The following CADM2 variants were observed in gnomAD, a reference collection of about 807,000 sequenced individuals.
The protein encoded by CADM2 is cell adhesion molecule 2.
Under a neutral mutation model 49.8 loss-of-function variants are expected in CADM2, and 12 were observed. That is an observed-to-expected ratio of 0.24 (90% CI 0.15 to 0.39). The LOEUF is 0.39. Among genes scored for constraint, CADM2 ranks in the 10% least tolerant of loss-of-function variants. The probability of loss-of-function intolerance (pLI) is 1.00; values close to 1 mark genes in which losing one functional copy is unlikely to be tolerated. For synonymous variants in CADM2, 214 were observed against 175.4 expected, an observed-to-expected ratio of 1.22 and a Z score of -1.74; for missense variants, 378 against 492.3, an observed-to-expected ratio of 0.77 and a Z score of 2.20.
chr3:85,998,566 T>G (rs1385112066), intron 8 of CADM2, among the ~76,000 whole-genome samples: 2 of 152,232 alleles, frequency 1.3e-5, no homozygotes, highest in East Asian at 3.9e-4. Context: ...TCTATGCACT[T>G]ATTGATTGAA....
intron 1 of CADM2, among the ~76,000 whole-genome samples, chr3:85,660,288 A>T (rs1233195437): frequency 6.6e-6 from 1 of 152,114 alleles, no homozygotes; most frequent in Non-Finnish European, 1.5e-5. Flanking sequence ...TTATGTTGTC[A>T]GTGGCAGGGA....
chr3:85,518,517 A>G (rs2060955686), intron 1 of CADM2, among the ~76,000 whole-genome samples: 1 of 151,514 alleles, frequency 6.6e-6, no homozygotes, highest in African/African-American at 2.4e-5. Flanking sequence ...CTTATTGTTT[A>G]TATGAGCAAA....
At chr3:85,557,429 G>A (rs2061987949) in intron 1 of CADM2, among the ~76,000 whole-genome samples, 2 of 151,444 alleles carry the variant, frequency 1.3e-5, no homozygotes, top group Admixed American at 1.3e-4. Context: ...TTTAGGTTGG[G>A]GTTTTTTCCT....
chr3:85,659,542 G>T (rs1365288120), intron 1 of CADM2, among the ~76,000 whole-genome samples: 1 of 152,046 alleles, frequency 6.6e-6, no homozygotes, highest in Admixed American at 6.6e-5. Flanking sequence ...GGGGAACATT[G>T]TCTCAGGAAA....
In CADM2 at chr3:85,873,142, G is replaced by T. The variant is rs185128101; in HGVS notation, c.239-10149G>T. ...ATGCTCCATAAGGAAGAGCCCTCAT[G>T]ACTTAATCACTCTTTAAAGGGCCAA... On this transcript the variant is annotated intron_variant, in intron 3 of 9. Coordinates refer to ENST00000383699, the MANE Select transcript of CADM2 (RefSeq NM_001167675.2). Among the ~76,000 whole-genome samples the T allele has an allele frequency of 2.4e-3, 360 of 152,210 alleles. 1 individual carries two copies. Among genetic ancestry groups the T allele is most frequent in the African/African-American group, 8.5e-3 (351 of 41,528 alleles).
intron 1 of CADM2, among the ~76,000 whole-genome samples, chr3:85,348,287 T>C (rs1299357547): frequency 6.6e-6 from 1 of 152,174 alleles, no homozygotes; most frequent in Non-Finnish European, 1.5e-5. Context: ...GGCTGTCAAA[T>C]GATTAGATGA....
At chr3:85,190,553 G>A (rs1275066199) in intron 1 of CADM2, among the ~76,000 whole-genome samples, 1 of 151,990 alleles carries the variant, frequency 6.6e-6, no homozygotes. Context: ...AGTAAAATTT[G>A]CCTATGACAT....
intron 1 of CADM2, among the ~76,000 whole-genome samples, chr3:85,707,237 T>A (rs894264341): frequency 6.6e-6 from 1 of 152,062 alleles, no homozygotes; most frequent in Non-Finnish European, 1.5e-5. Flanking sequence ...TAGAATTTTT[T>A]ATGAATTTGT....
chr3:85,106,530 G>T (rs2038233471), intron 1 of CADM2, among the ~76,000 whole-genome samples: 1 of 152,090 alleles, frequency 6.6e-6, no homozygotes, highest in Non-Finnish European at 1.5e-5. Context: ...GAATATTGTG[G>T]CATATTATGT....
intron 1 of CADM2, among the ~76,000 whole-genome samples, chr3:85,354,444 G>A (rs992799109): frequency 6.6e-6 from 1 of 151,376 alleles, no homozygotes; most frequent in African/African-American, 2.4e-5. Flanking sequence ...CATGGCACAT[G>A]TATACATATG....
intron 5 of CADM2, among the ~76,000 whole-genome samples, chr3:85,903,459 C>T (rs755978849): frequency 3.3e-5 from 5 of 152,078 alleles, no homozygotes; most frequent in Non-Finnish European, 7.4e-5. Flanking sequence ...AATAATTTTA[C>T]TGGATATCAG....
At chr3:85,280,805 A>G (rs943673440) in intron 1 of CADM2, among the ~76,000 whole-genome samples, 1 of 151,890 alleles carries the variant, frequency 6.6e-6, no homozygotes, top group Non-Finnish European at 1.5e-5. Flanking sequence ...AATTTTTAGT[A>G]TAAAATCATC....
At chr3:85,789,801 CT>C (rs1315410775) in intron 2 of CADM2, among the ~76,000 whole-genome samples, 2 of 152,020 alleles carry the variant, frequency 1.3e-5, no homozygotes, top group Admixed American at 1.3e-4. Context: ...CGTATTTATT[CT>C]ATTTGACTAA....
chr3:85,446,731 T>G (rs1458681761), intron 1 of CADM2, among the ~76,000 whole-genome samples: 1 of 150,032 alleles, frequency 6.7e-6, no homozygotes, highest in Non-Finnish European at 1.5e-5. Flanking sequence ...GCCTCCTGAG[T>G]AGCTGGGATT....
intron 1 of CADM2, among the ~76,000 whole-genome samples, chr3:85,506,434 T>C (rs2040354921): frequency 6.6e-6 from 1 of 152,238 alleles, no homozygotes; most frequent in African/African-American, 2.4e-5. Context: ...CTTTCCAGCC[T>C]TATTCCTGAT....
At chr3:85,613,541 A>G (rs2063729568) in intron 1 of CADM2, among the ~76,000 whole-genome samples, 1 of 151,696 alleles carries the variant, frequency 6.6e-6, no homozygotes, top group Non-Finnish European at 1.5e-5. Context: ...AGTGATGGGC[A>G]AACTTCTAAG....
At chr3:86,009,508 A>G (rs1355096685) in intron 8 of CADM2, among the ~76,000 whole-genome samples, 1 of 151,634 alleles carries the variant, frequency 6.6e-6, no homozygotes, top group Non-Finnish European at 1.5e-5. Flanking sequence ...AAATGAAGCG[A>G]TGAAATCGTA....
intron 1 of CADM2, among the ~76,000 whole-genome samples, chr3:85,658,508 G>T (rs911772420): frequency 1.4e-5 from 2 of 142,612 alleles, no homozygotes; most frequent in African/African-American, 5.2e-5. Flanking sequence ...TTATCTATCT[G>T]TCTATCTATC....
chr3:85,430,505 A>C (rs528907446), intron 1 of CADM2, among the ~76,000 whole-genome samples: 2 of 151,868 alleles, frequency 1.3e-5, no homozygotes, highest in Non-Finnish European at 2.9e-5. Context: ...GTGACAGAGC[A>C]AGACCTTGTC....
Sources: gnomAD v4.1 joint callset for allele counts (sites outside exome capture counted in the v4.1 genomes callset) on GRCh38, gnomAD v4.1.1 for gene constraint, MANE v1.5 for transcripts, NCBI Gene and HGNC (gene_info 2026-07-23, HGNC 2026-07-21) for gene names.